Variants in RCBTB1 observed in about 807,000 individuals in gnomAD.
RCBTB1 encodes RCC1 and BTB domain containing protein 1.
A neutral mutation model predicts 62.4 loss-of-function variants in RCBTB1; 46 were observed. That is an observed-to-expected ratio of 0.74 (90% CI 0.58 to 0.94). RCBTB1 has a LOEUF of 0.94. Among genes scored for constraint, RCBTB1 ranks in the 40% least tolerant of loss-of-function variants. RCBTB1 has a pLI of 0.00. For missense variants in RCBTB1, 565 were observed against 654.9 expected (o/e 0.86, Z 1.50); for synonymous variants, 222 against 245.8 (o/e 0.90, Z 0.91).
intron 2 of RCBTB1, among the ~76,000 whole-genome samples, chr13:49,573,365 C>T (rs1963540667): frequency 2.6e-5 from 4 of 151,692 alleles, no homozygotes; most frequent in South Asian, 2.1e-4. Context: ...TGTTTGTTTT[C>T]GTCAGCAGGG....
chr13:49,556,969 G>A (rs1961955850), intron 5 of RCBTB1, among the ~76,000 whole-genome samples: 1 of 152,112 alleles, frequency 6.6e-6, no homozygotes. Context: ...GCTGACTCTT[G>A]TTTAAAAACT....
intron 6 of RCBTB1, among the ~76,000 whole-genome samples, chr13:49,554,455 A>G (rs1364468334): frequency 2.6e-5 from 4 of 152,200 alleles, no homozygotes. Flanking sequence ...TTTTTAAAAA[A>G]TAAGTTAACA....
intron 6 of RCBTB1, among the ~76,000 whole-genome samples, chr13:49,553,256 T>C (rs965708115): frequency 2.3e-4 from 35 of 152,214 alleles, no homozygotes; most frequent in African/African-American, 8.4e-4. Flanking sequence ...TATAAATTTC[T>C]CATTGAAATA....
At chr13:49,544,652 G>A in intron 10 of RCBTB1, 85 bp downstream of exon 10, 1 of 1,110,406 alleles carries the variant, frequency 9.0e-7, no homozygotes. Context: ...TACTACCAAG[G>A]CTATTTTTTA....
Position 49,534,715 on chromosome 13 carries a change from T to C in RCBTB1, c.1456-453A>G, listed in dbSNP as rs112904671. On this transcript the variant is annotated intron_variant, in intron 12 of 12. Transcript: ENST00000378302. ...GAAACAGAAAGGTAATGAAGAGATA[T>C]GGTCAACCTAAAGTGGCACATTAAA... Among the ~76,000 whole-genome samples, 329 of 152,254 alleles carry C rather than the reference T, an allele frequency of 2.2e-3. 3 individuals are homozygous for C. The highest frequency in any genetic ancestry group is 7.4e-3 in the African/African-American group (309 of 41,550).
At chr13:49,545,682 G>A (rs1325195431) in intron 9 of RCBTB1, among the ~76,000 whole-genome samples, 2 of 152,170 alleles carry the variant, frequency 1.3e-5, no homozygotes, top group Non-Finnish European at 2.9e-5. Flanking sequence ...TTAAATTCCA[G>A]AGATCCTGAC....
intron 5 of RCBTB1, among the ~76,000 whole-genome samples, chr13:49,556,722 A>T (rs1247392884): frequency 6.6e-6 from 1 of 152,184 alleles, no homozygotes; most frequent in Non-Finnish European, 1.5e-5. Flanking sequence ...TATATGTGTT[A>T]CAGGTTCATT....
intron 8 of RCBTB1, 73 bp downstream of exon 8, chr13:49,551,253 C>T: frequency 1.3e-6 from 2 of 1,547,496 alleles, no homozygotes; most frequent in South Asian, 2.4e-5. Context: ...AAGCCAAACA[C>T]CACAGCTCTG....
At chr13:49,575,601 A>G (rs916889576) in intron 2 of RCBTB1, among the ~76,000 whole-genome samples, 3 of 152,206 alleles carry the variant, frequency 2.0e-5, no homozygotes, top group Non-Finnish European at 4.4e-5. Flanking sequence ...TCATGGATGC[A>G]GCTACAGGCC....
At chr13:49,553,087 C>T (rs1961520253) in intron 6 of RCBTB1, among the ~76,000 whole-genome samples, 1 of 152,068 alleles carries the variant, frequency 6.6e-6, no homozygotes, top group Admixed American at 6.5e-5. Flanking sequence ...GAGGCTGAGA[C>T]AGGAGAATCA....
At chr13:49,576,843 T>TC (rs1963818289) in intron 2 of RCBTB1, among the ~76,000 whole-genome samples, 1 of 91,600 alleles carries the variant, frequency 1.1e-5, no homozygotes, top group African/African-American at 5.3e-5. Flanking sequence ...AATCAATGAC[T>TC]TTTTTTTTTA....
At chr13:49,538,163 G>A (rs1272406312) in intron 12 of RCBTB1, 1 of 152,062 alleles carries the variant, frequency 6.6e-6, no homozygotes, top group Non-Finnish European at 1.5e-5. Context: ...ACAGTAAGAG[G>A]GCTTTCTTTT....
chr13:49,585,029 G>A (rs1359543), intron 1 of RCBTB1, among the ~76,000 whole-genome samples: 77,722 of 152,018 alleles, frequency 0.51, 20,847 homozygotes, highest in Non-Finnish European at 0.62. Context: ...ACTCTCAGGA[G>A]ACGAAGGAGA....
chr13:49,577,802 T>A (rs578058221), intron 2 of RCBTB1, among the ~76,000 whole-genome samples: 1 of 152,220 alleles, frequency 6.6e-6, no homozygotes, highest in Non-Finnish European at 1.5e-5. Flanking sequence ...TTCTTCAGCA[T>A]ACAAGCTACA....
chr13:49,541,289 T>C (rs1205004638), intron 11 of RCBTB1, among the ~76,000 whole-genome samples: 1 of 152,180 alleles, frequency 6.6e-6, no homozygotes, highest in African/African-American at 2.4e-5. Flanking sequence ...ATTAGCAACT[T>C]ATACTTCACT....
intron 4 of RCBTB1, among the ~76,000 whole-genome samples, chr13:49,561,113 G>A (rs1052019317): frequency 6.6e-6 from 1 of 152,114 alleles, no homozygotes; most frequent in African/African-American, 2.4e-5. Flanking sequence ...GAGTGCCAAG[G>A]GCAGGTCTCC....
intron 2 of RCBTB1, among the ~76,000 whole-genome samples, chr13:49,569,086 CAG>C (rs975730129): frequency 6.6e-5 from 10 of 152,138 alleles, no homozygotes; most frequent in Non-Finnish European, 1.0e-4. Flanking sequence ...TAAGAAGTGG[CAG>C]AGTCGGGATC....
intron 2 of RCBTB1, among the ~76,000 whole-genome samples, chr13:49,579,059 T>C (rs1963945689): frequency 1.3e-5 from 2 of 152,218 alleles, no homozygotes; most frequent in African/African-American, 2.4e-5. Flanking sequence ...ATTTCTTACA[T>C]ATAATTCTGA....
chr13:49,574,105 A>C (rs1031053019), intron 2 of RCBTB1, among the ~76,000 whole-genome samples: 18 of 148,864 alleles, frequency 1.2e-4, no homozygotes, highest in African/African-American at 4.5e-4. Flanking sequence ...TTTAAAATAT[A>C]GTCCCAAATT....
Sources: allele counts gnomAD v4.1 joint callset (sites outside exome capture counted in the v4.1 genomes callset), GRCh38; gene constraint gnomAD v4.1.1; transcripts MANE v1.5; gene names NCBI Gene and HGNC (gene_info 2026-07-23, HGNC 2026-07-21).